Variants in RBPMS observed in about 807,000 individuals in gnomAD.
The protein encoded by RBPMS is RNA binding protein, mRNA processing factor.
In RBPMS, 7 loss-of-function variants were observed where a neutral mutation model predicts 26.8. That is an observed-to-expected ratio of 0.26 (90% CI 0.15 to 0.49). RBPMS has a LOEUF of 0.49. RBPMS is among the 20% of genes least tolerant of loss of function. The pLI, the probability that RBPMS is intolerant of heterozygous loss-of-function variation, is 0.98. For missense variants in RBPMS, 186 were observed against 250.0 expected (o/e 0.74, Z 1.73); for synonymous variants, 96 against 93.3 (o/e 1.03, Z -0.17).
At chr8:30,538,677 A>G (rs1395914745) in intron 5 of RBPMS, among the ~76,000 whole-genome samples, 1 of 152,194 alleles carries the variant, frequency 6.6e-6, no homozygotes, top group Non-Finnish European at 1.5e-5. Context: ...GCCACAACAG[A>G]TTACCAGAAA....
chr8:30,502,512 T>C (rs1213485036), intron 4 of RBPMS, among the ~76,000 whole-genome samples: 1 of 152,160 alleles, frequency 6.6e-6, no homozygotes, highest in Non-Finnish European at 1.5e-5. Context: ...AGTTGCTTCT[T>C]CACAGGAAGG....
Position 30,442,084 on chromosome 8 carries a change from G to A in RBPMS, c.67-32695G>A, listed in dbSNP as rs564856207. Among the ~76,000 whole-genome samples the A allele has an allele frequency of 6.4e-4, 98 of 152,160 alleles. 1 individual carries two copies. The highest frequency in any genetic ancestry group is 1.9e-3 in the African/African-American group (77 of 41,518). ...ATTACAGGTATGAGCCACCGCGCCC[G>A]GCCTATTTTTTATTTTGTTGTTTCT... On this transcript the variant is annotated intron_variant, in intron 1 of 8. Transcript: ENST00000397323.
chr8:30,442,023 C>A (rs1172275020), intron 1 of RBPMS, among the ~76,000 whole-genome samples: 1 of 151,904 alleles, frequency 6.6e-6, no homozygotes, highest in East Asian at 1.9e-4. Flanking sequence ...CTCCTGACCT[C>A]GTGATCCGCC....
At chr8:30,496,940 T>C (rs1393347876) in intron 4 of RBPMS, among the ~76,000 whole-genome samples, 1 of 152,212 alleles carries the variant, frequency 6.6e-6, no homozygotes, top group Admixed American at 6.5e-5. Flanking sequence ...CCTTGCCTAG[T>C]TTCTGTTTCT....
chr8:30,464,118 G>A (rs956031997), intron 1 of RBPMS, among the ~76,000 whole-genome samples: 6 of 152,286 alleles, frequency 3.9e-5, no homozygotes, highest in South Asian at 2.1e-4. Flanking sequence ...TTGTGCCAGT[G>A]CAACCCGTTT....
intron 3 of RBPMS, 52 bp from the exon 4 acceptor site, chr8:30,479,263 A>T: frequency 1.5e-6 from 2 of 1,356,010 alleles, no homozygotes; most frequent in Admixed American, 3.4e-5. Context: ...TGACCTAGAA[A>T]AGTAGACATC....
chr8:30,568,445 G>A (rs531341468), intron 8 of RBPMS, among the ~76,000 whole-genome samples: 7 of 152,302 alleles, frequency 4.6e-5, no homozygotes, highest in African/African-American at 1.7e-4. Context: ...AGGCCCATCT[G>A]TCCCCACGTT....
chr8:30,524,866 C>T (rs1281355951), intron 5 of RBPMS, among the ~76,000 whole-genome samples: 1 of 152,014 alleles, frequency 6.6e-6, no homozygotes, highest in Non-Finnish European at 1.5e-5. Flanking sequence ...ACTACTTTTT[C>T]GTAGCCCTTT....
intron 5 of RBPMS, among the ~76,000 whole-genome samples, chr8:30,539,687 G>A (rs148379737): frequency 0.011 from 1,703 of 150,414 alleles, 40 homozygotes; most frequent in African/African-American, 0.038. Context: ...GTGCAGTGGT[G>A]TGATCTTGGC....
At chr8:30,445,441 T>A (rs1269000859) in intron 1 of RBPMS, 1 of 152,006 alleles carries the variant, frequency 6.6e-6, no homozygotes, top group Non-Finnish European at 1.5e-5. Flanking sequence ...AAGAATTACA[T>A]CTTTAGATTA....
chr8:30,511,484 AAAATATATAT>A (rs1291928845), intron 5 of RBPMS, among the ~76,000 whole-genome samples: 278 of 6,010 alleles, frequency 0.046, no homozygotes, highest in Middle Eastern at 0.25. Flanking sequence ...AAAAAAAAAA[AAAATATATAT>A]ATATATATAT....
chr8:30,437,381 G>A (rs990428359), intron 1 of RBPMS, among the ~76,000 whole-genome samples: 1 of 151,714 alleles, frequency 6.6e-6, no homozygotes, highest in Non-Finnish European at 1.5e-5. Context: ...TTGGCTGGGC[G>A]TGGTGGCTCA....
At chr8:30,514,779 G>A (rs1822132289) in intron 5 of RBPMS, among the ~76,000 whole-genome samples, 1 of 143,452 alleles carries the variant, frequency 7.0e-6, no homozygotes, top group African/African-American at 2.6e-5. Context: ...ACCCACCTTG[G>A]CCTCCCATAG....
intron 5 of RBPMS, 38 bp downstream of exon 5, chr8:30,504,474 CT>C: frequency 6.3e-7 from 1 of 1,597,618 alleles, no homozygotes; most frequent in Non-Finnish European, 8.6e-7. Context: ...GTAATAATAA[CT>C]AAGAACTGTT....
At chr8:30,428,880 G>A (rs559693204) in intron 1 of RBPMS, among the ~76,000 whole-genome samples, 5 of 152,158 alleles carry the variant, frequency 3.3e-5, no homozygotes, top group Admixed American at 3.3e-4. Context: ...TTTCAAAGTA[G>A]CCCCAATAAG....
At chr8:30,459,633 T>G (rs1815663407) in intron 1 of RBPMS, among the ~76,000 whole-genome samples, 1 of 152,190 alleles carries the variant, frequency 6.6e-6, no homozygotes, top group African/African-American at 2.4e-5. Flanking sequence ...TTGTACACTT[T>G]CATTTCATAA....
Position 30,504,387 on chromosome 8 carries a change from CA to C in RBPMS, c.349del (p.Ser117ValfsTer42). ...KNKLVGTPNP[S>X]TPLPNTVPQF... Reference sequence around the variant, plus strand: ...ACAAACTCGTAGGGACTCCAAACCCCAGTACTCCTCTGCCCAACACTGTACC... The same window carrying C: ...ACAAACTCGTAGGGACTCCAAACCCCGTACTCCTCTGCCCAACACTGTACC... On this transcript the variant is annotated frameshift_variant, in exon 5 of 9. Transcript: ENST00000397323. LOFTEE classifies it high-confidence loss of function. The C allele has an allele frequency of 6.2e-7, 1 of 1,614,184 alleles. No individual in the cohort carries two copies. Among genetic ancestry groups the C allele is most frequent in the Non-Finnish European group, 8.5e-7 (1 of 1,179,996 alleles).
chr8:30,439,968 G>C (rs926895154), intron 1 of RBPMS, among the ~76,000 whole-genome samples: 11 of 152,144 alleles, frequency 7.2e-5, no homozygotes, highest in Non-Finnish European at 1.3e-4. Context: ...CTTGAGGCCA[G>C]GAGTTCAAGA....
At chr8:30,563,512 C>T (rs562563903) in intron 7 of RBPMS, among the ~76,000 whole-genome samples, 84 of 152,220 alleles carry the variant, frequency 5.5e-4, no homozygotes, top group African/African-American at 1.9e-3. Flanking sequence ...TGTAGGGGGA[C>T]GTCTTCTTTC....
Sources: gnomAD v4.1 joint callset for allele counts (sites outside exome capture counted in the v4.1 genomes callset) on GRCh38, gnomAD v4.1.1 for gene constraint, MANE v1.5 for transcripts, NCBI Gene and HGNC (gene_info 2026-07-23, HGNC 2026-07-21) for gene names.